The following RAD50 variants were observed in gnomAD, a reference collection of about 807,000 sequenced individuals.
The protein encoded by RAD50 is RAD50 double strand break repair protein, also known as DNA repair protein RAD50.
A neutral mutation model predicts 168.8 loss-of-function variants in RAD50; 132 were observed. That is an observed-to-expected ratio of 0.78 (90% CI 0.68 to 0.90). The LOEUF is 0.90. Ranked by LOEUF, RAD50 falls within the 40% of genes least tolerant of loss-of-function variation. The pLI is 0.00. For synonymous variants in RAD50, 525 were observed against 497.4 expected (o/e 1.06, Z -0.74); for missense variants, 1,347 against 1,534.4 (o/e 0.88, Z 2.04).
intron 2 of RAD50, among the ~76,000 whole-genome samples, chr5:132,574,840 T>C (rs760099399): frequency 6.6e-6 from 1 of 152,186 alleles, no homozygotes; most frequent in Admixed American, 6.5e-5. Flanking sequence ...TGCTAAAATA[T>C]AACAAAAGTC....
At position 132,638,108 on chromosome 5, in the gene RAD50, A is replaced by T. The variant is rs764131107; in HGVS notation, c.3503A>T (p.Asp1168Val). The T allele has an allele frequency of 6.2e-7, 1 of 1,614,132 alleles. No homozygotes were observed. The change falls in exon 23 of 25, where the codon GAT becomes GTT. Residue 1168 changes from aspartate to valine, a missense_variant. Around this residue, in one of 3 missense-constraint regions of RAD50, gnomAD observed 635 missense variants for 739.2 expected, o/e 0.86. Coordinates refer to ENST00000378823, the MANE Select transcript of RAD50 (RefSeq NM_005732.4). ...ATTGAATACATAGAAATACGGTCTG[A>T]TGCCGATGAAAATGTATCAGCTTCT... ...QDIEYIEIRSDADENVSASDK... is the reference protein window; with the variant it reads ...QDIEYIEIRSVADENVSASDK...
At chr5:132,604,471 T>C (rs1750945834) in intron 15 of RAD50, among the ~76,000 whole-genome samples, 1 of 152,134 alleles carries the variant, frequency 6.6e-6, no homozygotes, top group African/African-American at 2.4e-5. Flanking sequence ...TTCACTGTGT[T>C]TGTCAGGCTG....
At chr5:132,591,150 A>G in intron 9 of RAD50, 74 bp from the exon 10 acceptor site, 2 of 1,434,770 alleles carry the variant, frequency 1.4e-6, no homozygotes, top group South Asian at 1.2e-5. Flanking sequence ...GTTAATTTCT[A>G]ATACACTTTG....
At chr5:132,599,925 A>G (rs375703362) in intron 13 of RAD50, 5 of 152,318 alleles carry the variant, frequency 3.3e-5, no homozygotes, top group East Asian at 1.9e-4. Flanking sequence ...ACTACTTTCA[A>G]ATATCCCGTG....
intron 13 of RAD50, among the ~76,000 whole-genome samples, chr5:132,600,451 T>C (rs1437813330): frequency 6.6e-6 from 1 of 152,144 alleles, no homozygotes; most frequent in Non-Finnish European, 1.5e-5. Context: ...AAGGGAAAAG[T>C]TGTGGAAGAT....
At chr5:132,599,064 A>G (rs1240418018) in intron 13 of RAD50, among the ~76,000 whole-genome samples, 4 of 152,116 alleles carry the variant, frequency 2.6e-5, no homozygotes, top group Non-Finnish European at 5.9e-5. Context: ...TTTGATAACT[A>G]TTTGCTGAAT....
At chr5:132,617,965 T>C (rs1235026384) in intron 20 of RAD50, 105 bp from the exon 21 acceptor site, 16 of 953,598 alleles carry the variant, frequency 1.7e-5, no homozygotes, top group Non-Finnish European at 2.7e-5. Flanking sequence ...TACTGATTGC[T>C]AAGGAGAATG....
At chr5:132,601,288 A>C (rs947421079) in intron 13 of RAD50, among the ~76,000 whole-genome samples, 7 of 152,218 alleles carry the variant, frequency 4.6e-5, no homozygotes, top group African/African-American at 1.7e-4. Flanking sequence ...GTGAGCCGTC[A>C]CACCCGGCCA....
intron 20 of RAD50, among the ~76,000 whole-genome samples, chr5:132,617,705 T>C (rs1751200968): frequency 6.6e-6 from 1 of 152,162 alleles, no homozygotes; most frequent in Admixed American, 6.5e-5. Context: ...CATAACTTCT[T>C]AGTGTTGATA....
intron 13 of RAD50, among the ~76,000 whole-genome samples, chr5:132,596,927 G>A (rs1194639658): frequency 1.3e-5 from 2 of 152,212 alleles, no homozygotes; most frequent in Non-Finnish European, 2.9e-5. Flanking sequence ...ACGGTGCAAA[G>A]GGAAGAGGAG....
chr5:132,579,928 T>C lies in RAD50; in HGVS notation c.618T>C (p.Tyr206=). Residue 206 remains tyrosine (Y), a synonymous_variant, in exon 5 of 25, where the codon TAT becomes TAC. Coordinates refer to ENST00000378823, the MANE Select transcript of RAD50 (RefSeq NM_005732.4). The part of the protein sequence containing the change: ...RQTQGQKVKE[Y]QMELKYLKQY... ...CACAAGGTCAGAAAGTAAAAGAATA[T>C]CAAATGGAACTAAAATATCTGAAGC... 3.7e-6 allele frequency: 6 copies of C among 1,612,394 alleles called. No homozygotes were observed. The highest frequency in any genetic ancestry group is 4.2e-6 in the Non-Finnish European group (5 of 1,178,540).
In RAD50 at chr5:132,643,050, C is replaced by T. The variant is rs773086153; in HGVS notation, c.*686C>T. The T allele has an allele frequency of 1.5e-5, 8 of 529,690 alleles. No individual in the cohort carries two copies. The highest frequency in any genetic ancestry group is 2.7e-5 in the Non-Finnish European group (7 of 262,900). 32.8% of individuals were successfully genotyped at this position (529,690 alleles called of 1,614,324 possible). On this transcript the variant is annotated 3_prime_UTR_variant, in exon 25 of 25. Coordinates refer to ENST00000378823, the MANE Select transcript of RAD50 (RefSeq NM_005732.4). ...CTCTCTCTACAGAGAGGAAATTCTC[C>T]ACTGTGCACACCCACCTTTGGAAAG...
chr5:132,610,626 C>G (rs1043346274), intron 19 of RAD50, among the ~76,000 whole-genome samples: 1 of 152,050 alleles, frequency 6.6e-6, no homozygotes, highest in African/African-American at 2.4e-5. Context: ...TCTGCTGGGT[C>G]TCTTTCTGTA....
intron 13 of RAD50, among the ~76,000 whole-genome samples, chr5:132,596,023 A>G (rs974771795): frequency 6.6e-6 from 1 of 151,264 alleles, no homozygotes; most frequent in African/African-American, 2.4e-5. Context: ...TCTGAGACAG[A>G]GTCTCTCTCT....
chr5:132,596,402 G>C (rs548704608), intron 13 of RAD50, among the ~76,000 whole-genome samples: 1 of 152,226 alleles, frequency 6.6e-6, no homozygotes, highest in South Asian at 2.1e-4. Context: ...CACAGATTTA[G>C]GACTGTCTGT....
intron 14 of RAD50, 65 bp from the exon 15 acceptor site, chr5:132,603,855 A>C: frequency 7.3e-7 from 1 of 1,374,852 alleles, no homozygotes; most frequent in East Asian, 2.5e-5. Flanking sequence ...AGAGCAATTA[A>C]TTTTTAAAGA....
intron 13 of RAD50, 23 bp from the exon 14 acceptor site, chr5:132,603,277 T>C (rs769980648): frequency 6.3e-7 from 1 of 1,582,036 alleles, no homozygotes; most frequent in Non-Finnish European, 8.6e-7. Context: ...GATACTTTAT[T>C]TTTAATTGTG....
chr5:132,580,025 G>A lies in RAD50; in HGVS notation c.715G>A (p.Glu239Lys), dbSNP rs773887771. Residue 239 changes from glutamate (E) to lysine (K), a missense_variant, in exon 5 of 25, where the codon GAA (glutamate) becomes AAA (lysine). Coordinates refer to ENST00000378823, the MANE Select transcript of RAD50 (RefSeq NM_005732.4). ...SKEAQLTSSK[E>K]IVKSYENELD... ...GGAAGCCCAGTTAACATCTTCAAAG[G>A]AAATTGTCAAATCCTATGAGAATGA... The A allele has an allele frequency of 2.5e-6, 4 of 1,613,396 alleles. No homozygotes were observed. In the South Asian group the frequency reaches 3.3e-5, roughly 13 times the overall value.
intron 3 of RAD50, among the ~76,000 whole-genome samples, chr5:132,577,792 C>T (rs575418229): frequency 6.0e-5 from 9 of 149,576 alleles, no homozygotes; most frequent in African/African-American, 2.3e-4. Flanking sequence ...GACCTATTTA[C>T]CCATTTCTGA....
Sources: allele counts gnomAD v4.1 joint callset (sites outside exome capture counted in the v4.1 genomes callset), GRCh38; gene constraint gnomAD v4.1.1; regional missense constraint gnomAD v4.1.1; transcripts MANE v1.5; gene names NCBI Gene and HGNC (gene_info 2026-07-23, HGNC 2026-07-21).